Variants in PRKCA observed in about 807,000 individuals in gnomAD.
The protein encoded by PRKCA is protein kinase C alpha type.
Under a neutral mutation model 87.0 loss-of-function variants are expected in PRKCA, and 27 were observed. The observed-to-expected ratio is 0.31, with a 90% CI of 0.23 to 0.43. PRKCA has a LOEUF of 0.43. Ranked by LOEUF, PRKCA falls within the 20% of genes least tolerant of loss-of-function variation. The probability of loss-of-function intolerance (pLI) is 1.00; values close to 1 mark genes in which losing one functional copy is unlikely to be tolerated. For synonymous variants in PRKCA, 329 were observed against 311.1 expected, an observed-to-expected ratio of 1.06 and a Z score of -0.61; for missense variants, 518 against 852.3, an observed-to-expected ratio of 0.61 and a Z score of 4.88.
intron 2 of PRKCA, among the ~76,000 whole-genome samples, chr17:66,473,332 C>T (rs1043488132): frequency 5.3e-5 from 8 of 152,288 alleles, no homozygotes; most frequent in African/African-American, 7.2e-5. Flanking sequence ...GTGGATTGCA[C>T]GGACTCGCCC....
At chr17:66,658,471 G>T (rs927634467) in intron 5 of PRKCA, among the ~76,000 whole-genome samples, 1 of 149,724 alleles carries the variant, frequency 6.7e-6, no homozygotes, top group Non-Finnish European at 1.5e-5. Context: ...TGGACAACAA[G>T]AGCAAAACTC....
intron 5 of PRKCA, among the ~76,000 whole-genome samples, chr17:66,678,797 T>G (rs1268334748): frequency 5.3e-5 from 8 of 152,100 alleles, no homozygotes; most frequent in Admixed American, 5.2e-4. Flanking sequence ...TGGAGTGTCG[T>G]TTTTCCTTGG....
chr17:66,667,308 T>A (rs1164855218), intron 5 of PRKCA, among the ~76,000 whole-genome samples: 1 of 152,314 alleles, frequency 6.6e-6, no homozygotes, highest in East Asian at 1.9e-4. Flanking sequence ...TCATCCGTTC[T>A]TACACTGCTA....
chr17:66,628,012 C>T lies in PRKCA; in HGVS notation c.289-13343C>T, dbSNP rs527512308. 5.9e-5 allele frequency among the ~76,000 whole-genome samples: 9 copies of T among 152,298 alleles called. No individual in the cohort carries two copies. In the East Asian group the frequency reaches 1.5e-3, roughly 26 times the overall value. On this transcript the variant is annotated intron_variant, in intron 3 of 16. Transcript: ENST00000413366. ...TTGATGGGGGTACCTAACTCATGCA[C>T]GGCCAAATGCCCAAGCCTAACAAAA...
chr17:66,489,962 G>A (rs1916163457), intron 2 of PRKCA, among the ~76,000 whole-genome samples: 1 of 151,644 alleles, frequency 6.6e-6, no homozygotes. Flanking sequence ...TGTAATTTTA[G>A]TAGAGACAGG....
At chr17:66,660,705 C>T (rs1041027349) in intron 5 of PRKCA, among the ~76,000 whole-genome samples, 5 of 151,774 alleles carry the variant, frequency 3.3e-5, no homozygotes, top group Non-Finnish European at 5.9e-5. Context: ...CTGGCTAACA[C>T]GGTGAAAACC....
chr17:66,553,660 G>A (rs921007181), intron 3 of PRKCA, among the ~76,000 whole-genome samples: 9 of 152,206 alleles, frequency 5.9e-5, no homozygotes, highest in Admixed American at 2.0e-4. Flanking sequence ...CAGCCATGCC[G>A]TGAGGACACT....
At chr17:66,767,256 G>A (rs1444526150) in intron 13 of PRKCA, among the ~76,000 whole-genome samples, 2 of 152,048 alleles carry the variant, frequency 1.3e-5, no homozygotes, top group Admixed American at 6.6e-5. Flanking sequence ...ACAAAACTAG[G>A]TTTTTCTCCC....
intron 13 of PRKCA, among the ~76,000 whole-genome samples, chr17:66,756,905 C>T (rs1197333540): frequency 4.6e-5 from 7 of 152,136 alleles, no homozygotes; most frequent in South Asian, 2.1e-4. Flanking sequence ...TCAAGTGTTC[C>T]GCCTGCCTCA....
intron 3 of PRKCA, among the ~76,000 whole-genome samples, chr17:66,550,109 G>GACTT (rs1332108783): frequency 6.6e-6 from 1 of 152,108 alleles, no homozygotes; most frequent in Non-Finnish European, 1.5e-5. Context: ...CACACACGCA[G>GACTT]ACTTGCTTTT....
At chr17:66,777,085 A>C in intron 14 of PRKCA, 1 of 349,980 alleles carries the variant, frequency 2.9e-6, no homozygotes, top group South Asian at 1.1e-4. Context: ...GCTGGCTGCG[A>C]CCAATTATTA....
intron 8 of PRKCA, among the ~76,000 whole-genome samples, chr17:66,724,832 G>A (rs1044354159): frequency 7.2e-5 from 11 of 152,194 alleles, no homozygotes; most frequent in African/African-American, 2.2e-4. Flanking sequence ...CTGAATTATA[G>A]TCATGACAAC....
At chr17:66,432,418 C>G (rs865821180) in intron 2 of PRKCA, among the ~76,000 whole-genome samples, 7 of 152,212 alleles carry the variant, frequency 4.6e-5, no homozygotes, top group South Asian at 2.1e-4. Context: ...TCTTCCTCCA[C>G]ATACGCTTTT....
chr17:66,587,849 A>G (rs144441101), intron 3 of PRKCA, among the ~76,000 whole-genome samples: 2,593 of 125,010 alleles, frequency 0.021, 267 homozygotes, highest in African/African-American at 0.067. Flanking sequence ...GTGTATCTAC[A>G]TATACATATA....
At chr17:66,503,724 G>A (rs8073575) in intron 3 of PRKCA, among the ~76,000 whole-genome samples, 3,514 of 152,078 alleles carry the variant, frequency 0.023, 131 homozygotes, top group African/African-American at 0.08. Context: ...CTTAGAAACC[G>A]ATCAGATAAA....
At chr17:66,628,826 G>A (rs1049612139) in intron 3 of PRKCA, among the ~76,000 whole-genome samples, 7 of 152,146 alleles carry the variant, frequency 4.6e-5, no homozygotes, top group Admixed American at 1.3e-4. Context: ...TCAGGAGTTC[G>A]AGACCAGCCT....
chr17:66,508,588 C>T (rs1301632289), intron 3 of PRKCA, among the ~76,000 whole-genome samples: 1 of 152,204 alleles, frequency 6.6e-6, no homozygotes, highest in Non-Finnish European at 1.5e-5. Flanking sequence ...TGGTGTAACA[C>T]CCAGCTGTCC....
At position 66,432,611 on chromosome 17, in the gene PRKCA, G is replaced by A. The variant is rs143669798; in HGVS notation, c.206-63590G>A. On this transcript the variant is annotated intron_variant, in intron 2 of 16. Coordinates refer to ENST00000413366, the MANE Select transcript of PRKCA (RefSeq NM_002737.3). ...TTTTCTAAGTTCCTGTATTTGGCCA[G>A]TTGGAGAACCTAGGCCTTGTCACTT... is the stretch of plus-strand genomic sequence containing the variant. 3.0e-4 allele frequency among the ~76,000 whole-genome samples: 46 copies of A among 152,288 alleles called. 1 individual carries two copies. Among genetic ancestry groups the A allele is most frequent in the African/African-American group, 1.0e-3 (42 of 41,568 alleles).
chr17:66,443,249 T>C (rs925660299), intron 2 of PRKCA, among the ~76,000 whole-genome samples: 1 of 152,164 alleles, frequency 6.6e-6, no homozygotes, highest in African/African-American at 2.4e-5. Flanking sequence ...TTCAATGTTA[T>C]AATGATGAGG....
Sources: allele counts gnomAD v4.1 joint callset (sites outside exome capture counted in the v4.1 genomes callset), GRCh38; gene constraint gnomAD v4.1.1; transcripts MANE v1.5; gene names NCBI Gene and HGNC (gene_info 2026-07-23, HGNC 2026-07-21).